GRM3: variants seen among roughly 807,000 people sequenced by gnomAD.
GRM3 encodes glutamate metabotropic receptor 3.
Under a neutral mutation model 70.5 loss-of-function variants are expected in GRM3, and 26 were observed. The observed-to-expected ratio is 0.37, with a 90% CI of 0.27 to 0.51. The LOEUF (loss-of-function observed/expected upper bound fraction) is 0.51. GRM3 is among the 20% of genes least tolerant of loss of function. The pLI, the probability that GRM3 is intolerant of heterozygous loss-of-function variation, is 0.93. For missense variants in GRM3, 859 were observed against 1,123.8 expected, an observed-to-expected ratio of 0.76 and a Z score of 3.37; for synonymous variants, 443 against 434.9, an observed-to-expected ratio of 1.02 and a Z score of -0.23.
intron 3 of GRM3, among the ~76,000 whole-genome samples, chr7:86,808,430 G>C (rs1797841107): frequency 6.6e-6 from 1 of 151,884 alleles, no homozygotes; most frequent in African/African-American, 2.4e-5. Context: ...CCCAGCCTTA[G>C]ACTCTGGAAA....
At chr7:86,730,439 A>G (rs1202635503) in intron 1 of GRM3, among the ~76,000 whole-genome samples, 1 of 152,246 alleles carries the variant, frequency 6.6e-6, no homozygotes, top group African/African-American at 2.4e-5. Flanking sequence ...AAGGCATAAC[A>G]TAACTCATAG....
intron 1 of GRM3, among the ~76,000 whole-genome samples, chr7:86,655,777 C>T (rs551106045): frequency 5.7e-4 from 87 of 151,736 alleles, no homozygotes; most frequent in African/African-American, 2.1e-3. Flanking sequence ...AAGTTCCTAC[C>T]TGACAAACTT....
chr7:86,774,239 G>A (rs1220622418), intron 2 of GRM3, among the ~76,000 whole-genome samples: 2 of 152,070 alleles, frequency 1.3e-5, no homozygotes, highest in Non-Finnish European at 2.9e-5. Flanking sequence ...TTATAATAAT[G>A]AAGGTCCATG....
chr7:86,650,525 A>G (rs1417026648), intron 1 of GRM3, among the ~76,000 whole-genome samples: 3 of 152,172 alleles, frequency 2.0e-5, no homozygotes, highest in Admixed American at 6.5e-5. Flanking sequence ...TCCACTCCAG[A>G]CACTGTCCCT....
chr7:86,692,344 C>T (rs1166473826), intron 1 of GRM3, among the ~76,000 whole-genome samples: 1 of 152,182 alleles, frequency 6.6e-6, no homozygotes, highest in Admixed American at 6.5e-5. Context: ...TTAACCATCT[C>T]TTTGACTCTC....
chr7:86,688,355 C>T (rs2107691), intron 1 of GRM3, among the ~76,000 whole-genome samples: 103,844 of 151,354 alleles, frequency 0.69, 36,028 homozygotes, highest in East Asian at 0.87. Context: ...GTTAAATTAA[C>T]AGTGAAAAAA....
Position 86,759,958 on chromosome 7 carries a change from G to A in GRM3, c.-140-5048G>A, listed in dbSNP as rs139406176. Among the ~76,000 whole-genome samples, 597 of 152,256 alleles carry A rather than the reference G, an allele frequency of 3.9e-3. 6 individuals are homozygous for A. Among genetic ancestry groups the A allele is most frequent in the Non-Finnish European group, 5.9e-3 (398 of 67,992 alleles). ...CTGAAAATGGCAGTCTAGAGCAACG[G>A]CTATGCCTTTTGTTGCCCATAATAC... On this transcript the variant is annotated intron_variant, in intron 1 of 5. Coordinates refer to ENST00000361669, the MANE Select transcript of GRM3 (RefSeq NM_000840.3).
At chr7:86,788,202 A>C (rs1458037290) in intron 3 of GRM3, among the ~76,000 whole-genome samples, 2 of 152,232 alleles carry the variant, frequency 1.3e-5, no homozygotes, top group Non-Finnish European at 2.9e-5. Context: ...TGCTCAGATC[A>C]TACTACCATT....
chr7:86,782,161 T>A (rs1179173146), intron 2 of GRM3, among the ~76,000 whole-genome samples: 2 of 151,944 alleles, frequency 1.3e-5, no homozygotes, highest in African/African-American at 4.8e-5. Context: ...GATTTATATA[T>A]CCAGAATTTG....
chr7:86,799,410 C>T (rs1471863129), intron 3 of GRM3, among the ~76,000 whole-genome samples: 1 of 152,200 alleles, frequency 6.6e-6, no homozygotes, highest in Non-Finnish European at 1.5e-5. Flanking sequence ...AGAGAGAGGG[C>T]ATCCTTGTCT....
intron 1 of GRM3, among the ~76,000 whole-genome samples, chr7:86,680,374 C>T: frequency 7.0e-6 from 1 of 143,030 alleles, no homozygotes; most frequent in African/African-American, 2.7e-5. Context: ...TTGTGAAGAA[C>T]ACTTTCAGAC....
At chr7:86,735,171 G>T (rs1795827733) in intron 1 of GRM3, among the ~76,000 whole-genome samples, 1 of 152,180 alleles carries the variant, frequency 6.6e-6, no homozygotes, top group African/African-American at 2.4e-5. Flanking sequence ...ACTAGATGTG[G>T]TTAATGATGA....
rs192388426 is a variant in GRM3 at position 86,776,529 on chromosome 7, T to C, written c.469-9732T>C. On this transcript the variant is annotated intron_variant, in intron 2 of 5. Coordinates refer to ENST00000361669, the MANE Select transcript of GRM3 (RefSeq NM_000840.3). ...AGACCTCAAAAGTAAATGATAATCA[T>C]TTAAGGAAATATTAGGCTATAGCCC... 1.2e-3 allele frequency among the ~76,000 whole-genome samples: 185 copies of C among 151,964 alleles called. 2 individuals carry two copies. Among genetic ancestry groups the C allele is most frequent in the African/African-American group, 4.3e-3 (178 of 41,430 alleles).
rs558929768 is a variant in GRM3, at chr7:86,768,853, C to T, written c.468+3240C>T. ...GGAGCAATTAGGCTATACACTGACC[C>T]CCATGCCCCCTTCCAAGGAACCCTT... On this transcript the variant is annotated intron_variant, in intron 2 of 5. Coordinates refer to ENST00000361669, the MANE Select transcript of GRM3 (RefSeq NM_000840.3). 1.1e-4 allele frequency among the ~76,000 whole-genome samples: 17 copies of T among 152,214 alleles called. No homozygotes were observed. In the East Asian group the frequency reaches 2.7e-3, roughly 24 times the overall value.
At chr7:86,706,199 G>A (rs1258085368) in intron 1 of GRM3, among the ~76,000 whole-genome samples, 1 of 151,912 alleles carries the variant, frequency 6.6e-6, no homozygotes, top group Non-Finnish European at 1.5e-5. Flanking sequence ...AATTCCTTTA[G>A]CCCTGAAGGT....
chr7:86,729,273 T>C (rs2116267343), intron 1 of GRM3, among the ~76,000 whole-genome samples: 1 of 152,344 alleles, frequency 6.6e-6, no homozygotes, highest in East Asian at 1.9e-4. Flanking sequence ...TGTAAAGTGA[T>C]GATGATAGTG....
At chr7:86,752,243 C>T (rs1188318854) in intron 1 of GRM3, among the ~76,000 whole-genome samples, 1 of 152,064 alleles carries the variant, frequency 6.6e-6, no homozygotes. Context: ...TATGTTTAGG[C>T]TTTTATATAA....
chr7:86,766,115 G>A (rs1308621256), intron 2 of GRM3, among the ~76,000 whole-genome samples: 4 of 152,056 alleles, frequency 2.6e-5, no homozygotes, highest in African/African-American at 9.7e-5. Context: ...CAACTCACAG[G>A]GCTCAATCCA....
At chr7:86,794,428 A>C (rs1285844505) in intron 3 of GRM3, among the ~76,000 whole-genome samples, 1 of 152,210 alleles carries the variant, frequency 6.6e-6, no homozygotes, top group African/African-American at 2.4e-5. Flanking sequence ...ATGGACCATG[A>C]GTGTATGGGA....
Sources: gnomAD v4.1 joint callset for allele counts (sites outside exome capture counted in the v4.1 genomes callset) on GRCh38, gnomAD v4.1.1 for gene constraint, MANE v1.5 for transcripts, NCBI Gene and HGNC (gene_info 2026-07-23, HGNC 2026-07-21) for gene names.